PHF20L1: variants seen among roughly 807,000 people sequenced by gnomAD.
The protein encoded by PHF20L1 is PHD finger protein 20 like 1.
Under a neutral mutation model 125.5 loss-of-function variants are expected in PHF20L1, and 44 were observed. The observed-to-expected ratio is 0.35, with a 90% CI of 0.28 to 0.45. The LOEUF is 0.45. PHF20L1 is among the 20% of genes least tolerant of loss of function. The pLI, the probability that PHF20L1 is intolerant of heterozygous loss-of-function variation, is 1.00. For synonymous variants in PHF20L1, 380 were observed against 403.1 expected, an observed-to-expected ratio of 0.94 and a Z score of 0.69; for missense variants, 1,012 against 1,217.2, an observed-to-expected ratio of 0.83 and a Z score of 2.51.
intron 19 of PHF20L1, chr8:132,843,649 G>A: frequency 1.0e-6 from 1 of 979,816 alleles, no homozygotes; most frequent in Non-Finnish European, 1.2e-6. Context: ...GAAGCAGTTT[G>A]TACTTTTGAA....
At chr8:132,804,903 G>A (rs1322773270) in intron 8 of PHF20L1, among the ~76,000 whole-genome samples, 163 bp downstream of exon 8, 7 of 151,854 alleles carry the variant, frequency 4.6e-5, no homozygotes, top group Admixed American at 4.6e-4. Flanking sequence ...TTTCAACACC[G>A]TCAGCTTTTT....
At chr8:132,837,054 T>C (rs1563850199) in intron 16 of PHF20L1, among the ~76,000 whole-genome samples, 1 of 152,112 alleles carries the variant, frequency 6.6e-6, no homozygotes, top group African/African-American at 2.4e-5. Context: ...TGTGAATTAT[T>C]ATAATAATAA....
At chr8:132,840,331 G>A (rs1457363713) in intron 18 of PHF20L1, among the ~76,000 whole-genome samples, 1 of 151,948 alleles carries the variant, frequency 6.6e-6, no homozygotes, top group African/African-American at 2.4e-5. Context: ...ACATTGTTCA[G>A]TCTGTTCCTC....
chr8:132,842,773 AGAT>A lies in PHF20L1; in HGVS notation c.2657_2659del (p.Asp886del), dbSNP rs1410378835. On this transcript the variant is annotated inframe_deletion, in exon 19 of 21. Transcript: ENST00000395386. Reference sequence around the variant, plus strand: ...AATCTCTCGCAGACCCTGGGAGCTCAGATGATGATGATGTTAGTAGTTTGGAAG... The same window carrying A: ...AATCTCTCGCAGACCCTGGGAGCTCAGATGATGATGTTAGTAGTTTGGAAG... The A allele has an allele frequency of 3.1e-6, 5 of 1,613,256 alleles. No individual in the cohort carries two copies. The highest frequency in any genetic ancestry group is 1.6e-4 in the Middle Eastern group (1 of 6,078).
chr8:132,823,859 T>C, intron 12 of PHF20L1, 145 bp from the exon 13 acceptor site: 1 of 522,688 alleles, frequency 1.9e-6, no homozygotes, highest in East Asian at 3.3e-5. Context: ...CACCGCTTTG[T>C]TACCAGTTCA....
At position 132,794,802 on chromosome 8, in the gene PHF20L1, G is replaced by A. The variant is rs993432550; in HGVS notation, c.325G>A (p.Ala109Thr). ...TCGCTATTACCCTGCCAAGATTGAA[G>A]CAATTAACAAAGAAGGTATGTGTTT... ...DCRYYPAKIE[A>T]INKEGTFTVQ... is the part of the protein sequence containing the mutation. The change falls in exon 4 of 21, where the codon GCA becomes ACA. Residue 109 changes from alanine to threonine, a missense_variant. By Grantham distance (58) the Ala-to-Thr change is moderately conservative. Transcript: ENST00000395386. 1.2e-6 allele frequency: 2 copies of A among 1,607,326 alleles called. No individual in the cohort carries two copies. The highest frequency in any genetic ancestry group is 3.3e-5 in the Admixed American group (2 of 59,862).
chr8:132,784,597 C>T (rs1313771012), intron 2 of PHF20L1, among the ~76,000 whole-genome samples: 1 of 152,018 alleles, frequency 6.6e-6, no homozygotes, highest in Non-Finnish European at 1.5e-5. Context: ...TTCAAAACTG[C>T]TGGCTACTAG....
chr8:132,815,166 G>T, intron 10 of PHF20L1: 1 of 247,468 alleles, frequency 4.0e-6, no homozygotes, highest in Non-Finnish European at 7.6e-6. Flanking sequence ...ATACTGAGAG[G>T]CCTGATTCAT....
rs1835096188 is a variant in PHF20L1, at chr8:132,817,370, G to C, written c.1404G>C (p.Lys468Asn). Residue 468 changes from lysine to asparagine, a missense_variant, in exon 12 of 21, where the codon AAG becomes AAC. Around this residue, in one of 7 missense-constraint regions of PHF20L1, gnomAD observed 320 missense variants for 293.8 expected, o/e 1.09. Coordinates refer to ENST00000395386, the MANE Select transcript of PHF20L1 (RefSeq NM_016018.5). ...VPDVAHLPLE[K>N]LGPCLPLDLS... ...ATGTTGCACATTTGCCACTTGAGAA[G>C]CTGGGACCCTGTCTCCCTCTTGACT... 6 of 1,612,574 alleles carry C rather than the reference G, an allele frequency of 3.7e-6. No individual in the cohort carries two copies. Among genetic ancestry groups the C allele is most frequent in the Non-Finnish European group, 4.2e-6 (5 of 1,179,078 alleles).
intron 14 of PHF20L1, among the ~76,000 whole-genome samples, chr8:132,831,384 A>G (rs763465007): frequency 2.0e-5 from 3 of 151,648 alleles, no homozygotes; most frequent in East Asian, 3.9e-4. Context: ...TCCTTCCCTT[A>G]CTATACCCTC....
At chr8:132,824,328 A>C (rs557392340) in intron 13 of PHF20L1, 7 of 291,578 alleles carry the variant, frequency 2.4e-5, no homozygotes, top group Admixed American at 2.1e-4. Flanking sequence ...AATTATGGCT[A>C]TTCAAAAATA....
chr8:132,825,469 C>T (rs1233631620), intron 14 of PHF20L1, 98 bp downstream of exon 14: 15 of 952,398 alleles, frequency 1.6e-5, no homozygotes, highest in Admixed American at 9.3e-5. Context: ...ACACGATCCC[C>T]GTGTCCCGTG....
chr8:132,783,136 AAT>A (rs1830624730), intron 2 of PHF20L1, among the ~76,000 whole-genome samples: 1 of 152,206 alleles, frequency 6.6e-6, no homozygotes, highest in Non-Finnish European at 1.5e-5. Flanking sequence ...ATAAATTTGA[AAT>A]ATAGAGTCAA....
intron 19 of PHF20L1, chr8:132,843,127 G>C: frequency 8.6e-7 from 1 of 1,157,254 alleles, no homozygotes; most frequent in South Asian, 3.1e-5. Context: ...AATTGTATAA[G>C]TACATTTCGA....
intron 2 of PHF20L1, among the ~76,000 whole-genome samples, chr8:132,780,325 T>C (rs892474436): frequency 1.5e-4 from 23 of 152,150 alleles, no homozygotes; most frequent in Admixed American, 3.9e-4. Flanking sequence ...TATTTATAAA[T>C]AGGATAATAA....
At chr8:132,799,359 G>C in intron 6 of PHF20L1, 187 bp downstream of exon 6, 2 of 456,936 alleles carry the variant, frequency 4.4e-6, no homozygotes, top group Non-Finnish European at 3.9e-6. Context: ...GTTTCAGATA[G>C]GGCTCTCTGA....
At chr8:132,819,281 C>T (rs1835321884) in intron 12 of PHF20L1, among the ~76,000 whole-genome samples, 1 of 151,834 alleles carries the variant, frequency 6.6e-6, no homozygotes. Flanking sequence ...TAAGGATTAT[C>T]TGGATATGAT....
chr8:132,791,466 T>C (rs1453571430), intron 2 of PHF20L1, among the ~76,000 whole-genome samples: 2 of 152,016 alleles, frequency 1.3e-5, no homozygotes, highest in Non-Finnish European at 2.9e-5. Context: ...TTGGTCATGC[T>C]GGTCTCAAAC....
rs758677510 is a variant in PHF20L1, at chr8:132,794,434, T to A, written c.108T>A (p.Ile36=). The A allele has an allele frequency of 4.0e-5, 65 of 1,607,856 alleles. No individual in the cohort carries two copies. Among genetic ancestry groups the A allele is most frequent in the Non-Finnish European group, 5.3e-5 (62 of 1,176,620 alleles). The change falls in exon 3 of 21, where the codon ATT becomes ATA. Residue 36 remains isoleucine (I), a synonymous_variant. Coordinates refer to ENST00000395386, the MANE Select transcript of PHF20L1 (RefSeq NM_016018.5). Reference sequence around the variant, plus strand: ...GGTATCCATCACGAATTGAAAAAATTGACTATGAGGAGGGCAAGATGTTGG... The same window carrying A: ...GGTATCCATCACGAATTGAAAAAATAGACTATGAGGAGGGCAAGATGTTGG... The part of the protein sequence containing the change: ...QKWYPSRIEK[I]DYEEGKMLVH...
Sources: allele counts gnomAD v4.1 joint callset (sites outside exome capture counted in the v4.1 genomes callset), GRCh38; gene constraint gnomAD v4.1.1; regional missense constraint gnomAD v4.1.1; transcripts MANE v1.5; gene names NCBI Gene and HGNC (gene_info 2026-07-23, HGNC 2026-07-21).